The following KCNQ5 variants were observed in gnomAD, a reference collection of about 807,000 sequenced individuals.
KCNQ5 encodes potassium voltage-gated channel subfamily KQT member 5.
Under a neutral mutation model 98.2 loss-of-function variants are expected in KCNQ5, and 30 were observed. The ratio of observed to expected loss-of-function variants is 0.31; its 90% CI spans 0.23 to 0.41. The LOEUF (loss-of-function observed/expected upper bound fraction) is 0.41, where lower values mean the gene tolerates loss of function less well. Ranked by LOEUF, KCNQ5 falls within the 10% of genes least tolerant of loss-of-function variation. KCNQ5 has a pLI of 1.00. For synonymous variants in KCNQ5, 458 were observed against 449.4 expected, an observed-to-expected ratio of 1.02 and a Z score of -0.24; for missense variants, 835 against 1,182.5, an observed-to-expected ratio of 0.71 and a Z score of 4.31.
chr6:72,922,815 T>TC (rs1554186017), intron 1 of KCNQ5, among the ~76,000 whole-genome samples: 66 of 132,430 alleles, frequency 5.0e-4, no homozygotes, highest in African/African-American at 1.5e-3. Flanking sequence ...TTTTTCTTTT[T>TC]TTTTTTTTTT....
At chr6:73,142,643 C>T (rs180920220) in intron 10 of KCNQ5, among the ~76,000 whole-genome samples, 20 of 152,176 alleles carry the variant, frequency 1.3e-4, no homozygotes, top group African/African-American at 4.3e-4. Context: ...AGGCCAGGTG[C>T]GATGGTTCAT....
At chr6:72,984,417 G>A (rs772246579) in intron 1 of KCNQ5, among the ~76,000 whole-genome samples, 8 of 152,186 alleles carry the variant, frequency 5.3e-5, no homozygotes, top group African/African-American at 1.9e-4. Context: ...CTCAGCAATG[G>A]TGGATGCCCC....
chr6:72,838,539 C>A (rs1253662747), intron 1 of KCNQ5, among the ~76,000 whole-genome samples: 1 of 152,158 alleles, frequency 6.6e-6, no homozygotes, highest in Non-Finnish European at 1.5e-5. Flanking sequence ...GAAACACCAA[C>A]ACTTAAAATA....
intron 1 of KCNQ5, among the ~76,000 whole-genome samples, chr6:72,903,668 GT>G (rs1353138394): frequency 6.6e-6 from 1 of 152,070 alleles, no homozygotes; most frequent in African/African-American, 2.4e-5. Flanking sequence ...TTGACTTCCA[GT>G]TTTATTCCAC....
Position 72,855,987 on chromosome 6 carries a change from T to G in KCNQ5, c.399-147921T>G, listed in dbSNP as rs533633121. Among the ~76,000 whole-genome samples the G allele has an allele frequency of 4.6e-5, 7 of 152,260 alleles. No individual in the cohort carries two copies. The East Asian group carries it at 1.4e-3, about 29-fold the overall frequency. ...CTCAAAAGAAGCAAAAATGAGAAGT[T>G]TTGTTTCCTATGAATTGAGGAAAGT... On this transcript the variant is annotated intron_variant, in intron 1 of 13. Coordinates refer to ENST00000370398, the MANE Select transcript of KCNQ5 (RefSeq NM_019842.4).
intron 1 of KCNQ5, among the ~76,000 whole-genome samples, chr6:72,832,552 T>C (rs1582378622): frequency 6.6e-6 from 1 of 152,192 alleles, no homozygotes; most frequent in African/African-American, 2.4e-5. Flanking sequence ...GAAACACTGC[T>C]CTGTGTTTGC....
At chr6:72,724,103 G>A (rs1033403177) in intron 1 of KCNQ5, among the ~76,000 whole-genome samples, 1 of 151,310 alleles carries the variant, frequency 6.6e-6, no homozygotes, top group South Asian at 2.1e-4. Flanking sequence ...TTTTCTCTGT[G>A]GTTTGTTCCC....
chr6:72,687,857 T>C (rs9360587), intron 1 of KCNQ5, among the ~76,000 whole-genome samples: 72,314 of 145,434 alleles, frequency 0.5, 21,180 homozygotes, highest in African/African-American at 0.81. Context: ...TTTTTTGACA[T>C]GGAGTGAGTC....
At position 72,917,154 on chromosome 6, in the gene KCNQ5, C is replaced by G. The variant is rs149372197; in HGVS notation, c.399-86754C>G. On this transcript the variant is annotated intron_variant, in intron 1 of 13. Transcript: ENST00000370398. ...TCTGATGCAGGGAGGAGTTAGGGAG[C>G]AGACAGTCCTCAAAATTTCCTCTGC... Among the ~76,000 whole-genome samples, 407 of 152,278 alleles carry G rather than the reference C, an allele frequency of 2.7e-3. 1 individual carries two copies. Among genetic ancestry groups the G allele is most frequent in the African/African-American group, 9.6e-3 (397 of 41,564 alleles).
chr6:73,026,623 C>T (rs1381820998), intron 2 of KCNQ5, among the ~76,000 whole-genome samples: 4 of 152,084 alleles, frequency 2.6e-5, no homozygotes, highest in Admixed American at 2.6e-4. Flanking sequence ...CTTGCTTCCA[C>T]TAGAAACATC....
At chr6:72,909,425 G>A (rs1333176632) in intron 1 of KCNQ5, among the ~76,000 whole-genome samples, 3 of 152,096 alleles carry the variant, frequency 2.0e-5, no homozygotes, top group Non-Finnish European at 4.4e-5. Context: ...TCAATATGAC[G>A]GGAAATTAAG....
At chr6:72,970,911 G>A (rs1428261884) in intron 1 of KCNQ5, among the ~76,000 whole-genome samples, 4 of 152,144 alleles carry the variant, frequency 2.6e-5, no homozygotes, top group East Asian at 1.9e-4. Context: ...AGAAAACCTA[G>A]GCAATACCAT....
At chr6:73,056,570 G>C (rs1438836539) in intron 3 of KCNQ5, among the ~76,000 whole-genome samples, 1 of 152,118 alleles carries the variant, frequency 6.6e-6, no homozygotes, top group Non-Finnish European at 1.5e-5. Context: ...GCTTCATGCT[G>C]TGTGTTTTAG....
chr6:73,099,195 C>A (rs185190608), intron 5 of KCNQ5, among the ~76,000 whole-genome samples: 2 of 151,516 alleles, frequency 1.3e-5, no homozygotes, highest in Non-Finnish European at 2.9e-5. Flanking sequence ...AATCATACCA[C>A]CAGAGAAAAT....
intron 5 of KCNQ5, among the ~76,000 whole-genome samples, chr6:73,092,934 T>A (rs61218271): frequency 6.6e-6 from 1 of 152,208 alleles, no homozygotes; most frequent in East Asian, 1.9e-4. Flanking sequence ...ATAGAATGAA[T>A]TGGGGAGGGT....
At chr6:73,116,386 T>C (rs1042417764) in intron 7 of KCNQ5, among the ~76,000 whole-genome samples, 1 of 152,186 alleles carries the variant, frequency 6.6e-6, no homozygotes, top group Non-Finnish European at 1.5e-5. Flanking sequence ...CATTCTTGGC[T>C]GGACGCAAGT....
intron 1 of KCNQ5, among the ~76,000 whole-genome samples, chr6:72,859,545 G>A (rs902383364): frequency 6.6e-6 from 1 of 150,926 alleles, no homozygotes; most frequent in Admixed American, 6.6e-5. Flanking sequence ...ATTTTTTCTT[G>A]TGTCTTGTGC....
At chr6:73,088,769 T>C (rs1428136038) in intron 5 of KCNQ5, among the ~76,000 whole-genome samples, 1 of 152,236 alleles carries the variant, frequency 6.6e-6, no homozygotes, top group African/African-American at 2.4e-5. Flanking sequence ...TTCATTATAA[T>C]GCTTTTATTT....
intron 1 of KCNQ5, among the ~76,000 whole-genome samples, chr6:72,689,563 A>G (rs767255920): frequency 5.9e-5 from 9 of 152,232 alleles, no homozygotes; most frequent in Non-Finnish European, 1.2e-4. Context: ...AGAAAGTTTC[A>G]GAGGTGGCAG....
Sources: gnomAD v4.1 joint callset for allele counts (sites outside exome capture counted in the v4.1 genomes callset) on GRCh38, gnomAD v4.1.1 for gene constraint, MANE v1.5 for transcripts, NCBI Gene and HGNC (gene_info 2026-07-23, HGNC 2026-07-21) for gene names.